The following EPHA3 variants were observed in gnomAD, a reference collection of about 807,000 sequenced individuals.
The protein encoded by EPHA3 is EPH receptor A3.
Under a neutral mutation model 107.1 loss-of-function variants are expected in EPHA3, and 42 were observed. The ratio of observed to expected loss-of-function variants is 0.39; its 90% confidence interval spans 0.31 to 0.51. The LOEUF (loss-of-function observed/expected upper bound fraction) is 0.51, where lower values mean the gene tolerates loss of function less well. EPHA3 is among the 20% of genes least tolerant of loss of function. The probability of loss-of-function intolerance (pLI) is 0.78; values close to 1 mark genes in which losing one functional copy is unlikely to be tolerated. For missense variants in EPHA3, 1,183 were observed against 1,211.2 expected, an observed-to-expected ratio of 0.98 and a Z score of 0.35; for synonymous variants, 461 against 424.8, an observed-to-expected ratio of 1.09 and a Z score of -1.05.
At chr3:89,209,711 A>T (rs1706220937) in intron 2 of EPHA3, 149 bp from the exon 3 acceptor site, 1 of 639,542 alleles carries the variant, frequency 1.6e-6, no homozygotes, top group African/African-American at 1.8e-5. Context: ...CCATTAACTC[A>T]GAGAACCTTG....
chr3:89,125,562 A>G (rs1200190340), intron 1 of EPHA3, among the ~76,000 whole-genome samples: 3 of 151,728 alleles, frequency 2.0e-5, no homozygotes, highest in Non-Finnish European at 4.4e-5. Flanking sequence ...TAATTCAATT[A>G]TGGAAATTAT....
intron 10 of EPHA3, among the ~76,000 whole-genome samples, chr3:89,416,897 T>A (rs1709259780): frequency 6.6e-6 from 1 of 151,520 alleles, no homozygotes; most frequent in Non-Finnish European, 1.5e-5. Context: ...TTTACAAATA[T>A]ATGTCCAGTA....
Position 89,320,357 on chromosome 3 carries a change from G to A in EPHA3, c.815-20559G>A, listed in dbSNP as rs551577456. Among the ~76,000 whole-genome samples the A allele has an allele frequency of 1.5e-4, 23 of 152,020 alleles. 1 individual carries two copies. The South Asian group carries it at 4.4e-3, about 29-fold the overall frequency. ...TGCTATTCTCTAGTGTCCCAAAGGTGTTTAATTTTCAAGTTACAGTTGACA... is the reference window on the plus strand; with the variant it reads ...TGCTATTCTCTAGTGTCCCAAAGGTATTTAATTTTCAAGTTACAGTTGACA... On this transcript the variant is annotated intron_variant, in intron 3 of 16. Transcript: ENST00000336596.
chr3:89,436,868 A>G (rs1709682555), intron 13 of EPHA3, among the ~76,000 whole-genome samples: 1 of 151,958 alleles, frequency 6.6e-6, no homozygotes, highest in African/African-American at 2.4e-5. Flanking sequence ...TTTTATGTTT[A>G]TTTTCTCTTT....
intron 3 of EPHA3, among the ~76,000 whole-genome samples, chr3:89,227,069 G>T (rs1704518592): frequency 1.3e-5 from 2 of 152,000 alleles, no homozygotes; most frequent in Admixed American, 6.6e-5. Context: ...GTGAAGACTT[G>T]TTACTCAGGT....
rs543489496 is a variant in EPHA3, at chr3:89,168,139, C to T, written c.153+40866C>T. On this transcript the variant is annotated intron_variant, in intron 2 of 16. Coordinates refer to ENST00000336596, the MANE Select transcript of EPHA3 (RefSeq NM_005233.6). Reference sequence around the variant, plus strand: ...AGTAAAAGTTTTAATAGCAGACTGGCCCAGGCCTTGAGGTAAATTATGCAT... The same window carrying T: ...AGTAAAAGTTTTAATAGCAGACTGGTCCAGGCCTTGAGGTAAATTATGCAT... Among the ~76,000 whole-genome samples, 9 of 152,240 alleles carry T rather than the reference C, an allele frequency of 5.9e-5. No homozygotes were observed. In the East Asian group the frequency reaches 1.7e-3, roughly 29 times the overall value.
intron 2 of EPHA3, among the ~76,000 whole-genome samples, chr3:89,131,602 T>G (rs558915670): frequency 6.6e-5 from 10 of 152,270 alleles, no homozygotes; most frequent in African/African-American, 2.4e-4. Flanking sequence ...GATTAACTAG[T>G]ACAAAGAAAT....
chr3:89,405,363 T>C (rs1329442386), intron 7 of EPHA3, among the ~76,000 whole-genome samples: 6 of 152,144 alleles, frequency 3.9e-5, no homozygotes, highest in Non-Finnish European at 8.8e-5. Context: ...AGGCTGTAGC[T>C]GAAGGTGCTG....
At chr3:89,473,588 G>T (rs73846191) in intron 16 of EPHA3, among the ~76,000 whole-genome samples, 1 of 152,034 alleles carries the variant, frequency 6.6e-6, no homozygotes, top group Non-Finnish European at 1.5e-5. Context: ...ATTCCCATGC[G>T]CATAGCTAAA....
At chr3:89,211,822 T>C (rs1282597559) in intron 3 of EPHA3, among the ~76,000 whole-genome samples, 1 of 144,896 alleles carries the variant, frequency 6.9e-6, no homozygotes, top group East Asian at 2.0e-4. Flanking sequence ...CTTCTTCTCC[T>C]TCTCCTCCTC....
chr3:89,310,021 G>C (rs1706726015), intron 3 of EPHA3, among the ~76,000 whole-genome samples: 1 of 151,970 alleles, frequency 6.6e-6, no homozygotes, highest in Non-Finnish European at 1.5e-5. Flanking sequence ...TACCAAGTCA[G>C]GTCTCTGATG....
intron 3 of EPHA3, among the ~76,000 whole-genome samples, chr3:89,322,286 T>C (rs561389210): frequency 6.6e-6 from 1 of 152,214 alleles, no homozygotes; most frequent in East Asian, 1.9e-4. Context: ...TATGTGAATG[T>C]GGTTTTTATA....
chr3:89,296,819 C>T (rs565490514), intron 3 of EPHA3, among the ~76,000 whole-genome samples: 3 of 152,238 alleles, frequency 2.0e-5, no homozygotes, highest in South Asian at 2.1e-4. Context: ...TTTCTTGTTA[C>T]GTGTAGCCAT....
At chr3:89,209,732 C>A (rs759294856) in intron 2 of EPHA3, 128 bp from the exon 3 acceptor site, 42 of 804,134 alleles carry the variant, frequency 5.2e-5, no homozygotes, top group Non-Finnish European at 7.8e-5. Context: ...CAAATAAAAA[C>A]TACAAACAAG....
chr3:89,409,755 G>A (rs1235228264), intron 9 of EPHA3, among the ~76,000 whole-genome samples: 2 of 151,910 alleles, frequency 1.3e-5, no homozygotes, highest in Non-Finnish European at 2.9e-5. Context: ...CTCTAGCTAC[G>A]AACTGTTCCC....
chr3:89,224,671 A>C (rs1419477413), intron 3 of EPHA3, among the ~76,000 whole-genome samples: 4 of 151,970 alleles, frequency 2.6e-5, no homozygotes, highest in Admixed American at 6.6e-5. Flanking sequence ...AATCATGGTG[A>C]AACACTATCT....
chr3:89,184,589 C>A (rs1384286546), intron 2 of EPHA3, among the ~76,000 whole-genome samples: 1 of 151,958 alleles, frequency 6.6e-6, no homozygotes, highest in Non-Finnish European at 1.5e-5. Context: ...TTTTCAGGAG[C>A]AAAATCCAAA....
rs1421768341 is a variant in EPHA3 at position 89,176,522 on chromosome 3, T to A, written c.154-33338T>A. 3.7e-3 allele frequency among the ~76,000 whole-genome samples: 478 copies of A among 130,044 alleles called. 4 individuals are homozygous for A. Among genetic ancestry groups the A allele is most frequent in the African/African-American group, 9.9e-3 (328 of 33,292 alleles). 85.3% of individuals were successfully genotyped at this position (130,044 alleles called of 152,430 possible). ...TAAAAAAAAAAAAAAAAAAAAAAAA[T>A]ATATGTTTTTTCACCTACTGTTTAT... is the stretch of plus-strand genomic sequence containing the variant. On this transcript the variant is annotated intron_variant, in intron 2 of 16. Transcript: ENST00000336596.
intron 3 of EPHA3, among the ~76,000 whole-genome samples, chr3:89,296,828 A>G (rs142891146): frequency 1.6e-3 from 242 of 152,304 alleles, no homozygotes; most frequent in African/African-American, 5.2e-3. Context: ...ACGTGTAGCC[A>G]TCTTTATCAA....
Sources: allele counts gnomAD v4.1 joint callset (sites outside exome capture counted in the v4.1 genomes callset), GRCh38; gene constraint gnomAD v4.1.1; transcripts MANE v1.5; gene names NCBI Gene and HGNC (gene_info 2026-07-23, HGNC 2026-07-21).